Variants in PCSK5 observed in about 807,000 individuals in gnomAD.
PCSK5 encodes proprotein convertase subtilisin/kexin type 5.
PCSK5 carries 129 observed loss-of-function variants against 233.2 expected under a neutral mutation model. That is an observed-to-expected ratio of 0.55 (90% CI 0.48 to 0.64). The LOEUF (loss-of-function observed/expected upper bound fraction) is 0.64. PCSK5 is among the 30% of genes least tolerant of loss of function. The probability of loss-of-function intolerance (pLI) is 0.00; values close to 1 mark genes in which losing one functional copy is unlikely to be tolerated. For synonymous variants in PCSK5, 825 were observed against 879.2 expected (o/e 0.94, Z 1.09); for missense variants, 2,076 against 2,430.1 (o/e 0.85, Z 3.06).
chr9:75,997,780 ATTTC>A lies in PCSK5; in HGVS notation c.411+11543_411+11546del, dbSNP rs553498732. The stretch of plus-strand genomic sequence containing the variant: ...GAGGAAAAACCTGATGAGAAACCTA[ATTTC>A]TTTCTTTATGCTAAAAAAAAGCCAG... On this transcript the variant is annotated intron_variant, in intron 3 of 37. Coordinates refer to ENST00000674117, the MANE Select transcript of PCSK5 (RefSeq NM_001372043.1). 3.7e-4 allele frequency among the ~76,000 whole-genome samples: 57 copies of A among 152,228 alleles called. No homozygotes were observed. In the South Asian group the frequency reaches 0.011, roughly 29 times the overall value.
chr9:76,323,932 A>ATT (rs60451634), intron 32 of PCSK5, among the ~76,000 whole-genome samples: 24,801 of 139,116 alleles, frequency 0.18, 2,636 homozygotes, highest in Non-Finnish European at 0.2. Context: ...TTCCTGGGTG[A>ATT]TTTTTTTTTT....
chr9:76,340,657 A>AAAT (rs1829805582), intron 35 of PCSK5, among the ~76,000 whole-genome samples: 1 of 151,594 alleles, frequency 6.6e-6, no homozygotes, highest in Non-Finnish European at 1.5e-5. Flanking sequence ...AAAAAAAAAA[A>AAAT]AACTTCAAAT....
intron 24 of PCSK5, chr9:76,287,106 G>A (rs1242956483): frequency 6.4e-6 from 1 of 156,936 alleles, no homozygotes; most frequent in East Asian, 1.9e-4. Flanking sequence ...TCCAGATGAG[G>A]CGTGGCTGAA....
chr9:76,203,804 C>A (rs1825007089), intron 20 of PCSK5, among the ~76,000 whole-genome samples: 1 of 152,136 alleles, frequency 6.6e-6, no homozygotes, highest in African/African-American at 2.4e-5. Flanking sequence ...GTCCTTTTGC[C>A]AGATCCCAAG....
At chr9:75,915,167 T>C (rs1215618566) in intron 1 of PCSK5, among the ~76,000 whole-genome samples, 1 of 152,178 alleles carries the variant, frequency 6.6e-6, no homozygotes. Context: ...CTGACCGTGT[T>C]ATAATGGGGA....
chr9:76,171,556 T>G (rs138813684), intron 13 of PCSK5, among the ~76,000 whole-genome samples: 135 of 152,334 alleles, frequency 8.9e-4, no homozygotes, highest in South Asian at 1.5e-3. Flanking sequence ...TGGTTAACCA[T>G]GCATTGCATC....
intron 35 of PCSK5, among the ~76,000 whole-genome samples, chr9:76,341,460 T>C (rs1311875141): frequency 6.6e-6 from 1 of 152,188 alleles, no homozygotes; most frequent in East Asian, 1.9e-4. Flanking sequence ...TTTTTTAAAC[T>C]TTATTTTATA....
In PCSK5 at chr9:76,354,205, G is replaced by T. The variant is rs774878829; in HGVS notation, c.5240G>T (p.Cys1747Phe). Reference protein sequence around the residue: ...DPPSAQECCDCQDTTDECILR... With the variant: ...DPPSAQECCDFQDTTDECILR... ...CCCAGTGCCCAGGAGTGCTGTGACT[G>T]CCAGGACACCACGGGTGAGGGAAGA... The change falls in exon 37 of 38, where the codon TGC becomes TTC. Residue 1747 changes from cysteine (C) to phenylalanine (F), a missense_variant. By Grantham distance (205) the Cys-to-Phe change is radical. Transcript: ENST00000674117. The T allele has an allele frequency of 3.2e-5, 51 of 1,581,898 alleles. No homozygotes were observed. Among genetic ancestry groups the T allele is most frequent in the Non-Finnish European group, 4.0e-5 (47 of 1,164,910 alleles).
chr9:75,953,719 C>T (rs1344695950), intron 2 of PCSK5, among the ~76,000 whole-genome samples: 1 of 151,796 alleles, frequency 6.6e-6, no homozygotes, highest in African/African-American at 2.4e-5. Context: ...ATCGTATTTG[C>T]TTTACTCATT....
At chr9:76,209,480 T>C in intron 20 of PCSK5, 1 of 510,130 alleles carries the variant, frequency 2.0e-6, no homozygotes, top group South Asian at 1.4e-5. Flanking sequence ...CTACTGTATC[T>C]CAGATGCCTG....
intron 7 of PCSK5, among the ~76,000 whole-genome samples, chr9:76,075,504 T>G (rs893063351): frequency 2.6e-5 from 4 of 152,100 alleles, no homozygotes; most frequent in Admixed American, 1.3e-4. Flanking sequence ...ATTTCTCTTT[T>G]CCAGGTTAAA....
chr9:76,064,024 C>T (rs1587574150), intron 5 of PCSK5, among the ~76,000 whole-genome samples: 2 of 97,322 alleles, frequency 2.1e-5, no homozygotes, highest in East Asian at 3.0e-4. Flanking sequence ...CCCCCACCTC[C>T]CTCCCGGACG....
At chr9:76,193,525 T>C (rs1824529388) in intron 20 of PCSK5, 5 of 536,856 alleles carry the variant, frequency 9.3e-6, no homozygotes, top group Non-Finnish European at 1.6e-5. Context: ...TGAACTGTTT[T>C]GTCAGAACTT....
intron 7 of PCSK5, among the ~76,000 whole-genome samples, chr9:76,093,680 G>T (rs370685442): frequency 1.3e-5 from 2 of 151,926 alleles, no homozygotes; most frequent in South Asian, 2.1e-4. Flanking sequence ...AAATCAGGTG[G>T]GTTTTGCACA....
intron 2 of PCSK5, among the ~76,000 whole-genome samples, chr9:75,963,705 C>A (rs936071793): frequency 6.6e-6 from 1 of 152,128 alleles, no homozygotes; most frequent in African/African-American, 2.4e-5. Context: ...ATGGTGAAAC[C>A]CCGTCTCTAC....
At chr9:76,326,418 C>T (rs1472032958) in intron 32 of PCSK5, among the ~76,000 whole-genome samples, 1 of 151,982 alleles carries the variant, frequency 6.6e-6, no homozygotes, top group Non-Finnish European at 1.5e-5. Context: ...TAAGCAGGAT[C>T]TTCTCTAAGA....
intron 9 of PCSK5, among the ~76,000 whole-genome samples, chr9:76,129,030 T>G (rs944935944): frequency 2.0e-4 from 31 of 152,186 alleles, no homozygotes; most frequent in Non-Finnish European, 4.1e-4. Context: ...TTGTTTTTCT[T>G]TGTTGGACGG....
At chr9:76,090,835 T>A (rs1219262128) in intron 7 of PCSK5, among the ~76,000 whole-genome samples, 1 of 152,178 alleles carries the variant, frequency 6.6e-6, no homozygotes, top group African/African-American at 2.4e-5. Flanking sequence ...TAATGTAGAA[T>A]CATGGGAACC....
At chr9:76,047,086 T>C (rs1829442200) in intron 5 of PCSK5, among the ~76,000 whole-genome samples, 1 of 151,942 alleles carries the variant, frequency 6.6e-6, no homozygotes, top group East Asian at 1.9e-4. Context: ...TTTGCATGGA[T>C]ACTTCAAGGA....
Sources: gnomAD v4.1 joint callset for allele counts (sites outside exome capture counted in the v4.1 genomes callset) on GRCh38, gnomAD v4.1.1 for gene constraint, MANE v1.5 for transcripts, NCBI Gene and HGNC (gene_info 2026-07-23, HGNC 2026-07-21) for gene names.